The following CNTNAP5 variants were observed in gnomAD, a reference collection of about 807,000 sequenced individuals.
CNTNAP5 encodes contactin-associated protein-like 5.
Under a neutral mutation model 150.2 loss-of-function variants are expected in CNTNAP5, and 72 were observed. That is an observed-to-expected ratio of 0.48 (90% CI 0.40 to 0.58). The LOEUF (loss-of-function observed/expected upper bound fraction) is 0.58, where lower values mean the gene tolerates loss of function less well. CNTNAP5 is among the 20% of genes least tolerant of loss of function. CNTNAP5 has a pLI of 0.00. For missense variants in CNTNAP5, 1,636 were observed against 1,626.2 expected (o/e 1.01, Z -0.10); for synonymous variants, 672 against 619.8 (o/e 1.08, Z -1.25).
intron 1 of CNTNAP5, among the ~76,000 whole-genome samples, chr2:124,133,224 A>G (rs1282908660): frequency 6.6e-6 from 1 of 152,028 alleles, no homozygotes; most frequent in Non-Finnish European, 1.5e-5. Context: ...ACACTCAGAT[A>G]TTTCCATTCC....
Position 124,707,138 on chromosome 2 carries a change from GAGGAAGAAGAAGAA to G in CNTNAP5, c.2078-40090_2078-40077del, listed in dbSNP as rs1558743724. Reference sequence around the variant, plus strand: ...GAAGAAGAAGAAAGAAGAAGAAGAAGAGGAAGAAGAAGAAGAAGAAGAAGAAGAAGAAGAAGAAG... The same window carrying G: ...GAAGAAGAAGAAAGAAGAAGAAGAAGGAAGAAGAAGAAGAAGAAGAAGAAG... On this transcript the variant is annotated intron_variant, in intron 13 of 23. Coordinates refer to ENST00000682447, the MANE Select transcript of CNTNAP5 (RefSeq NM_001367498.1). Among the ~76,000 whole-genome samples, 237 of 80,200 alleles carry G rather than the reference GAGGAAGAAGAAGAA, an allele frequency of 3.0e-3. 2 individuals carry two copies. The highest frequency in any genetic ancestry group is 7.0e-3 in the Middle Eastern group (1 of 142). 52.6% of individuals were successfully genotyped at this position (80,200 alleles called of 152,430 possible).
intron 13 of CNTNAP5, among the ~76,000 whole-genome samples, chr2:124,684,618 G>A (rs1037323322): frequency 3.9e-5 from 6 of 152,252 alleles, no homozygotes; most frequent in African/African-American, 1.4e-4. Flanking sequence ...ACCTTGGAAG[G>A]TTTTTGAGGC....
chr2:124,107,541 T>A (rs1021013221), intron 1 of CNTNAP5, among the ~76,000 whole-genome samples: 1 of 152,210 alleles, frequency 6.6e-6, no homozygotes, highest in South Asian at 2.1e-4. Flanking sequence ...TTGGATTTTT[T>A]AAATTTTAAT....
chr2:124,121,688 A>G (rs1683565623), intron 1 of CNTNAP5, among the ~76,000 whole-genome samples: 1 of 151,832 alleles, frequency 6.6e-6, no homozygotes, highest in Non-Finnish European at 1.5e-5. Context: ...ACCTGAGGGA[A>G]CTCCTTGCCC....
At chr2:124,550,911 A>G (rs541895394) in intron 10 of CNTNAP5, among the ~76,000 whole-genome samples, 4 of 152,250 alleles carry the variant, frequency 2.6e-5, no homozygotes, top group East Asian at 3.9e-4. Context: ...TCATAGGCTC[A>G]GGTGGTTTGT....
intron 3 of CNTNAP5, among the ~76,000 whole-genome samples, chr2:124,415,892 G>C (rs1298585856): frequency 2.0e-5 from 3 of 151,972 alleles, no homozygotes; most frequent in Non-Finnish European, 4.4e-5. Flanking sequence ...TGAGCCTTTG[G>C]ATTTCATCTT....
At chr2:124,250,692 A>T (rs1238329393) in intron 3 of CNTNAP5, among the ~76,000 whole-genome samples, 1 of 152,020 alleles carries the variant, frequency 6.6e-6, no homozygotes, top group East Asian at 1.9e-4. Context: ...GCCCAAAGAA[A>T]AGGACTCTAG....
intron 1 of CNTNAP5, among the ~76,000 whole-genome samples, chr2:124,212,931 C>T (rs1035422990): frequency 1.3e-5 from 2 of 148,478 alleles, no homozygotes; most frequent in Non-Finnish European, 3.0e-5. Context: ...CTCCGCCTGC[C>T]GGATTCATGC....
intron 21 of CNTNAP5, among the ~76,000 whole-genome samples, chr2:124,871,042 A>T (rs1171892060): frequency 6.6e-6 from 1 of 152,004 alleles, no homozygotes; most frequent in Non-Finnish European, 1.5e-5. Flanking sequence ...CTGATCCCTG[A>T]TTGAGTTTAT....
intron 1 of CNTNAP5, among the ~76,000 whole-genome samples, chr2:124,142,126 C>T (rs1287785701): frequency 6.5e-5 from 9 of 138,616 alleles, no homozygotes; most frequent in African/African-American, 2.5e-4. Context: ...ACAGGAGCAC[C>T]CAGATTCATA....
At chr2:124,306,015 T>G (rs374220164) in intron 3 of CNTNAP5, among the ~76,000 whole-genome samples, 1 of 152,322 alleles carries the variant, frequency 6.6e-6, no homozygotes, top group East Asian at 1.9e-4. Flanking sequence ...AATTTCCAGT[T>G]CTTTGCACTC....
At chr2:124,673,878 A>T (rs891577528) in intron 13 of CNTNAP5, among the ~76,000 whole-genome samples, 1 of 152,126 alleles carries the variant, frequency 6.6e-6, no homozygotes, top group African/African-American at 2.4e-5. Context: ...TTAATAAGAC[A>T]TTAAATGTAC....
At position 124,645,421 on chromosome 2, in the gene CNTNAP5, A is replaced by T. The variant is rs187269015; in HGVS notation, c.1877-2337A>T. Among the ~76,000 whole-genome samples the T allele has an allele frequency of 4.6e-5, 7 of 152,262 alleles. No homozygotes were observed. In the East Asian group the frequency reaches 1.2e-3, roughly 25 times the overall value. On this transcript the variant is annotated intron_variant, in intron 12 of 23. Transcript: ENST00000682447. ...ATCTCTAAAAAACTTTTTAAAGATT[A>T]TCTGAGTGTGATAGTACATACCTGT...
intron 8 of CNTNAP5, among the ~76,000 whole-genome samples, chr2:124,512,208 G>A (rs1573425935): frequency 6.6e-6 from 1 of 151,910 alleles, no homozygotes; most frequent in African/African-American, 2.4e-5. Context: ...CAGGCAGAGA[G>A]CCCACTTTGG....
chr2:124,126,669 T>G (rs551140119), intron 1 of CNTNAP5, among the ~76,000 whole-genome samples: 1 of 152,296 alleles, frequency 6.6e-6, no homozygotes, highest in African/African-American at 2.4e-5. Context: ...AATAAAATAC[T>G]GGCAAACCGA....
intron 1 of CNTNAP5, among the ~76,000 whole-genome samples, chr2:124,062,129 T>C (rs1682026250): frequency 6.6e-6 from 1 of 152,200 alleles, no homozygotes; most frequent in African/African-American, 2.4e-5. Flanking sequence ...ACAGAATTAA[T>C]TCTGTTTTTG....
At chr2:124,450,582 G>A (rs1160981008) in intron 6 of CNTNAP5, among the ~76,000 whole-genome samples, 6 of 145,086 alleles carry the variant, frequency 4.1e-5, no homozygotes, top group Non-Finnish European at 4.5e-5. Context: ...AAAAAAAAAG[G>A]GCAGAATGTA....
chr2:124,345,621 T>G (rs1423649103), intron 3 of CNTNAP5, among the ~76,000 whole-genome samples: 1 of 152,196 alleles, frequency 6.6e-6, no homozygotes, highest in Non-Finnish European at 1.5e-5. Flanking sequence ...TGTCTTTATA[T>G]TTTCATAGTA....
chr2:124,574,720 G>C lies in CNTNAP5; in HGVS notation c.1756+11397G>C, dbSNP rs551858792. Among the ~76,000 whole-genome samples the C allele has an allele frequency of 4.6e-5, 7 of 152,290 alleles. 1 individual carries two copies. The East Asian group carries it at 9.6e-4, about 21-fold the overall frequency. On this transcript the variant is annotated intron_variant, in intron 11 of 23. Transcript: ENST00000682447. ...TGTGATTGTTCAGTATAATTTATCA[G>C]TATTTTTTAAAACTATGACTGACTT...
Sources: allele counts gnomAD v4.1 joint callset (sites outside exome capture counted in the v4.1 genomes callset), GRCh38; gene constraint gnomAD v4.1.1; transcripts MANE v1.5; gene names NCBI Gene and HGNC (gene_info 2026-07-23, HGNC 2026-07-21).